The following EGF variants were observed in gnomAD, a reference collection of about 807,000 sequenced individuals.
EGF encodes the protein epidermal growth factor.
In EGF, 95 loss-of-function variants were observed where a neutral mutation model predicts 143.8. The ratio of observed to expected loss-of-function variants is 0.66; its 90% CI spans 0.56 to 0.78. EGF has a LOEUF of 0.78. EGF is among the 30% of genes least tolerant of loss of function. The pLI is 0.00. For missense variants in EGF, 1,320 were observed against 1,470.9 expected, an observed-to-expected ratio of 0.90 and a Z score of 1.68; for synonymous variants, 510 against 510.5, an observed-to-expected ratio of 1.00 and a Z score of 0.01.
At chr4:110,000,015 GC>G (rs939056643) in intron 21 of EGF, among the ~76,000 whole-genome samples, 169 bp downstream of exon 21, 7 of 152,148 alleles carry the variant, frequency 4.6e-5, no homozygotes, top group African/African-American at 1.4e-4. Flanking sequence ...ACTTTGGGAG[GC>G]CGAGGCAGGC....
chr4:109,969,114 C>T lies in EGF; in HGVS notation c.1719C>T (p.Asp573=), dbSNP rs764399941. ...TTGGCCGTAGATTCTATTGGACAGA[C>T]AGAGGGTATGTTTTCTGCTTCAGTT... ...DWIGRRFYWT[D]RGKSLIGRSD... The change falls in exon 11 of 24, where the codon GAC becomes GAT. Residue 573 remains aspartate (D), a synonymous_variant. Coordinates refer to ENST00000265171, the MANE Select transcript of EGF (RefSeq NM_001963.6). The T allele has an allele frequency of 6.2e-7, 1 of 1,614,080 alleles. No homozygotes were observed. The highest frequency in any genetic ancestry group is 2.2e-5 in the East Asian group (1 of 44,884).
intron 13 of EGF, 21 bp downstream of exon 13, chr4:109,976,256 A>C: frequency 6.2e-7 from 1 of 1,601,474 alleles, no homozygotes. Context: ...GGGATGGGCG[A>C]TTTTTTCATC....
chr4:109,983,151 G>GT (rs1749634540), intron 15 of EGF, among the ~76,000 whole-genome samples: 2 of 152,150 alleles, frequency 1.3e-5, no homozygotes, highest in East Asian at 3.9e-4. Flanking sequence ...TTTTACTCTT[G>GT]TTTTTTGCCA....
In EGF at chr4:109,938,419, C is replaced by T. The variant is rs182994407; in HGVS notation, c.128-2527C>T. Among the ~76,000 whole-genome samples the T allele has an allele frequency of 5.1e-3, 771 of 152,248 alleles. 7 individuals are homozygous for T. The highest frequency in any genetic ancestry group is 0.018 in the African/African-American group (740 of 41,546). On this transcript the variant is annotated intron_variant, in intron 1 of 23. Coordinates refer to ENST00000265171, the MANE Select transcript of EGF (RefSeq NM_001963.6). The stretch of plus-strand genomic sequence containing the variant: ...GATTCTAGTTATCCATTTGTCTCAC[C>T]TTTTTTCAAGGTTTTTAGCTTCCTT...
Position 109,993,325 on chromosome 4 carries a change from G to C in EGF, c.2813G>C (p.Cys938Ser), listed in dbSNP as rs750467727. ...SCTNTEGGYT[C>S]MCAGRLSEPG... ...ACAAATACAGAGGGAGGCTATACCT[G>C]CATGTGTGCTGGACGCCTGTCTGAA... Residue 938 changes from cysteine to serine, a missense_variant, in exon 19 of 24, where the codon TGC becomes TCC. Cys to Ser is a moderately radical substitution (Grantham distance 112, BLOSUM62 -1). Transcript: ENST00000265171. The C allele has an allele frequency of 6.2e-7, 1 of 1,613,744 alleles. No homozygotes were observed. Among genetic ancestry groups the C allele is most frequent in the Non-Finnish European group, 8.5e-7 (1 of 1,179,932 alleles).
chr4:110,004,888 ATTCT>A (rs1272446566), intron 22 of EGF, among the ~76,000 whole-genome samples: 1 of 151,870 alleles, frequency 6.6e-6, no homozygotes, highest in African/African-American at 2.4e-5. Context: ...TTTCATGTAG[ATTCT>A]TTCTATAACT....
In EGF at chr4:109,940,271, G is replaced by A. The variant is rs182729301; in HGVS notation, c.128-675G>A. Among the ~76,000 whole-genome samples the A allele has an allele frequency of 1.1e-4, 16 of 152,260 alleles. No individual in the cohort carries two copies. In the East Asian group the frequency reaches 3.1e-3, roughly 29 times the overall value. On this transcript the variant is annotated intron_variant, in intron 1 of 23. Coordinates refer to ENST00000265171, the MANE Select transcript of EGF (RefSeq NM_001963.6). ...CAGATTTAGCAAATAAAAATGCAAA[G>A]TGCCCAGTCAAATTTGAATTTCAGG...
At chr4:109,967,210 A>AT (rs1217555552) in intron 10 of EGF, among the ~76,000 whole-genome samples, 1 of 152,098 alleles carries the variant, frequency 6.6e-6, no homozygotes, top group Non-Finnish European at 1.5e-5. Context: ...TCTTGAGTTA[A>AT]TTTTTTATAT....
chr4:109,930,854 A>G (rs563020153), intron 1 of EGF, among the ~76,000 whole-genome samples: 4 of 152,298 alleles, frequency 2.6e-5, no homozygotes, highest in East Asian at 3.9e-4. Flanking sequence ...AACATCTTCA[A>G]TGTGCTCCAA....
intron 1 of EGF, among the ~76,000 whole-genome samples, chr4:109,939,307 G>A (rs774289155): frequency 2.6e-5 from 4 of 152,232 alleles, no homozygotes; most frequent in Non-Finnish European, 5.9e-5. Flanking sequence ...TGCTGCGCTA[G>A]CAGTGAGCAA....
At chr4:109,957,728 G>C (rs921096221) in intron 5 of EGF, among the ~76,000 whole-genome samples, 2 of 152,176 alleles carry the variant, frequency 1.3e-5, no homozygotes, top group African/African-American at 2.4e-5. Flanking sequence ...TCCCAGCAAT[G>C]GTGGTGTTCT....
At position 109,976,096 on chromosome 4, in the gene EGF, C is replaced by G. The variant is rs11568992; in HGVS notation, c.1914C>G (p.Ser638Arg). 1.0e-3 allele frequency: 1,681 copies of G among 1,614,136 alleles called. 14 individuals carry two copies. In the African/African-American group the frequency reaches 0.02, roughly 19 times the overall value. Residue 638 changes from serine (S) to arginine (R), a missense_variant, in exon 13 of 24, where the codon AGC becomes AGG. By Grantham distance (110) the Ser-to-Arg change is moderately radical (BLOSUM62 -1). Coordinates refer to ENST00000265171, the MANE Select transcript of EGF (RefSeq NM_001963.6). ...LQGLGRLVIA[S>R]SDLIWPSGIT... Reference sequence around the variant, plus strand: ...GCCTTGGCCGTCTGGTTATAGCCAGCTCTGATCTAATCTGGCCCAGTGGAA... The same window carrying G: ...GCCTTGGCCGTCTGGTTATAGCCAGGTCTGATCTAATCTGGCCCAGTGGAA...
chr4:109,982,467 A>G (rs1749525765), intron 15 of EGF, among the ~76,000 whole-genome samples: 1 of 152,032 alleles, frequency 6.6e-6, no homozygotes, highest in South Asian at 2.1e-4. Context: ...AGCTGGGATT[A>G]CAGGCGTGCA....
At chr4:109,941,706 A>C (rs562061977) in intron 2 of EGF, among the ~76,000 whole-genome samples, 34 of 152,314 alleles carry the variant, frequency 2.2e-4, no homozygotes, top group African/African-American at 7.5e-4. Context: ...TATCTGTATA[A>C]AATCTCCGTC....
At chr4:109,929,212 AG>A (rs1432304455) in intron 1 of EGF, among the ~76,000 whole-genome samples, 1 of 152,172 alleles carries the variant, frequency 6.6e-6, no homozygotes, top group African/African-American at 2.4e-5. Flanking sequence ...GGTCTTTAAA[AG>A]CTAGGGTCTG....
At chr4:109,970,359 G>C (rs943342777) in intron 11 of EGF, among the ~76,000 whole-genome samples, 1 of 152,102 alleles carries the variant, frequency 6.6e-6, no homozygotes, top group Non-Finnish European at 1.5e-5. Flanking sequence ...AAAGTGAAAT[G>C]GTGGCCATCC....
At chr4:109,993,516 G>A in intron 19 of EGF, 147 bp downstream of exon 19, 4 of 1,127,692 alleles carry the variant, frequency 3.5e-6, no homozygotes, top group Non-Finnish European at 5.0e-6. Context: ...ACGATGCTGG[G>A]CTTGAGAATT....
intron 10 of EGF, among the ~76,000 whole-genome samples, chr4:109,965,649 G>A (rs11568968): frequency 1.3e-3 from 194 of 152,104 alleles, no homozygotes; most frequent in Non-Finnish European, 2.4e-3. Flanking sequence ...TTTGTTTCTT[G>A]GGTTAATTTT....
At chr4:109,980,793 C>A (rs775125401) in intron 14 of EGF, 33 bp from the exon 15 acceptor site, 2 of 1,613,590 alleles carry the variant, frequency 1.2e-6, no homozygotes, top group African/African-American at 2.7e-5. Flanking sequence ...CATCTTCAAA[C>A]CCACTTGTGA....
Sources: gnomAD v4.1 joint callset for allele counts (sites outside exome capture counted in the v4.1 genomes callset) on GRCh38, gnomAD v4.1.1 for gene constraint, MANE v1.5 for transcripts, NCBI Gene and HGNC (gene_info 2026-07-23, HGNC 2026-07-21) for gene names.